Variants in CHEK2 observed in about 807,000 individuals in gnomAD.
CHEK2 encodes the protein serine/threonine-protein kinase Chk2.
CHEK2 carries 71 observed loss-of-function variants against 69.1 expected under a neutral mutation model. The observed-to-expected ratio is 1.03, with a 90% confidence interval of 0.85 to 1.25. CHEK2 has a LOEUF of 1.25. CHEK2 is among the 50% of genes most tolerant of loss of function. The pLI, the probability that CHEK2 is intolerant of heterozygous loss-of-function variation, is 0.00. For synonymous variants in CHEK2, 189 were observed against 226.9 expected, an observed-to-expected ratio of 0.83 and a Z score of 1.50; for missense variants, 664 against 649.6, an observed-to-expected ratio of 1.02 and a Z score of -0.24.
At chr22:28,700,720 T>C (rs933981896) in intron 8 of CHEK2, among the ~76,000 whole-genome samples, 1 of 152,166 alleles carries the variant, frequency 6.6e-6, no homozygotes, top group Non-Finnish European at 1.5e-5. Flanking sequence ...TTGATGGTTG[T>C]TATAAAAATT....
At chr22:28,701,076 A>G (rs2052825046) in intron 8 of CHEK2, among the ~76,000 whole-genome samples, 2 of 152,016 alleles carry the variant, frequency 1.3e-5, no homozygotes, top group Admixed American at 1.3e-4. Context: ...GGCGTGAGCC[A>G]CCGTGCCCGG....
At chr22:28,703,970 CAAGGGTTATTT>C (rs943732877) in intron 7 of CHEK2, among the ~76,000 whole-genome samples, 2 of 152,134 alleles carry the variant, frequency 1.3e-5, no homozygotes, top group African/African-American at 2.4e-5. Flanking sequence ...TGCTGCCAAA[CAAGGGTTATTT>C]AAGCTCTGGG....
chr22:28,714,097 C>T (rs1191476211), intron 5 of CHEK2, among the ~76,000 whole-genome samples: 1 of 152,072 alleles, frequency 6.6e-6, no homozygotes, highest in Non-Finnish European at 1.5e-5. Context: ...GTTTTTTATG[C>T]CCCATAGAGC....
intron 2 of CHEK2, chr22:28,730,557 A>G (rs2054183470): frequency 1.4e-6 from 1 of 690,050 alleles, no homozygotes; most frequent in African/African-American, 1.8e-5. Flanking sequence ...CTCTACAAAA[A>G]ATAAAAATAA....
chr22:28,706,043 C>T (rs1367313494), intron 7 of CHEK2, among the ~76,000 whole-genome samples: 1 of 152,012 alleles, frequency 6.6e-6, no homozygotes, highest in African/African-American at 2.4e-5. Context: ...CCTGTAATCC[C>T]AGCCCTTTGG....
chr22:28,738,827 T>C (rs897505124), intron 1 of CHEK2, among the ~76,000 whole-genome samples: 23 of 152,118 alleles, frequency 1.5e-4, no homozygotes, highest in African/African-American at 5.3e-4. Context: ...AAAAAGCTTC[T>C]GCACAGCCAA....
Position 28,696,866 on chromosome 22 carries a change from C to T in CHEK2, c.1095+35G>A, listed in dbSNP as rs781640725. 13 of 1,354,810 alleles carry T rather than the reference C, an allele frequency of 9.6e-6. No homozygotes were observed. Among genetic ancestry groups the T allele is most frequent in the African/African-American group, 1.4e-5 (1 of 69,822 alleles). 83.9% of individuals were successfully genotyped at this position (1,354,810 alleles called of 1,614,324 possible). A position where few individuals can be genotyped will look rare whatever the true frequency, so the allele number is the denominator to read the frequency against. On this transcript the variant is annotated intron_variant, in intron 10 of 14. Transcript: ENST00000404276. ...TTAAAAGTTTCTGAACAAGAATCTA[C>T]AGGAATAGCCACATACAGAATGCCA... is the stretch of plus-strand genomic sequence containing the variant.
At position 28,694,079 on chromosome 22, in the gene CHEK2, T is replaced by C. The variant is rs2052470344; in HGVS notation, c.1414A>G (p.Lys472Glu). 3 of 1,596,044 alleles carry C rather than the reference T, an allele frequency of 1.9e-6. No individual in the cohort carries two copies. The East Asian group carries it at 6.7e-5, about 36-fold the overall frequency. ...GCTTCTTCTGTCGTAAAACGTGCCT[T>C]TGGATCCACTACCAACAACTTCTTG... The part of the protein sequence containing the change: ...LVKKLLVVDP[K>E]ARFTTEEALR... The change falls in exon 13 of 15, where the codon AAG becomes GAG. Residue 472 changes from lysine (K) to glutamate (E), a missense_variant. Physicochemically the swap from Lys to Glu is moderately conservative, Grantham distance 56. Coordinates refer to ENST00000404276, the MANE Select transcript of CHEK2 (RefSeq NM_007194.4).
intron 8 of CHEK2, among the ~76,000 whole-genome samples, chr22:28,702,392 C>T (rs988877972): frequency 1.3e-5 from 2 of 151,476 alleles, no homozygotes; most frequent in Non-Finnish European, 2.9e-5. Context: ...GAGCCCACCA[C>T]CACACCCAGC....
chr22:28,734,143 A>G (rs1000127010), intron 2 of CHEK2, among the ~76,000 whole-genome samples: 18 of 152,102 alleles, frequency 1.2e-4, no homozygotes, highest in African/African-American at 4.3e-4. Context: ...AGGGTACTTG[A>G]ACCCCAGAAG....
chr22:28,709,304 C>A (rs17886169), intron 7 of CHEK2, among the ~76,000 whole-genome samples: 1 of 152,110 alleles, frequency 6.6e-6, no homozygotes, highest in Non-Finnish European at 1.5e-5. Flanking sequence ...ATTTGGATTA[C>A]TCCAAATAAA....
At chr22:28,697,299 G>GA (rs2052631235) in intron 9 of CHEK2, among the ~76,000 whole-genome samples, 2 of 152,082 alleles carry the variant, frequency 1.3e-5, no homozygotes. Context: ...ATGGGTAACA[G>GA]AAAATGTTTT....
intron 1 of CHEK2, among the ~76,000 whole-genome samples, chr22:28,735,764 T>C (rs2054384520): frequency 6.6e-6 from 1 of 150,484 alleles, no homozygotes; most frequent in South Asian, 2.1e-4. Context: ...CGCCTGTAGT[T>C]CCAGCTACTC....
rs565410649 is a variant in CHEK2, at chr22:28,703,200, T to C, written c.908+305A>G. On this transcript the variant is annotated intron_variant, in intron 8 of 14. Transcript: ENST00000404276. ...TCATTATAATCCCCATTTAACACTATGAAGATGAGACTCAGAAAAGTGAGT... is the reference window on the plus strand; with the variant it reads ...TCATTATAATCCCCATTTAACACTACGAAGATGAGACTCAGAAAAGTGAGT... Among the ~76,000 whole-genome samples the C allele has an allele frequency of 2.7e-3, 407 of 152,250 alleles. 5 individuals are homozygous for C. The highest frequency in any genetic ancestry group is 0.017 in the Middle Eastern group (5 of 294).
chr22:28,704,458 G>A lies in CHEK2; in HGVS notation c.847-892C>T, dbSNP rs144267240. 8.4e-3 allele frequency among the ~76,000 whole-genome samples: 1,279 copies of A among 151,954 alleles called. 19 individuals carry two copies. The highest frequency in any genetic ancestry group is 0.028 in the African/African-American group (1,147 of 41,384). On this transcript the variant is annotated intron_variant, in intron 7 of 14. Transcript: ENST00000404276. ...AGCTATTCTCCTGCCTCAGCCTCCT[G>A]AGTAGCTGGGACTACAGGCGTGCAC...
chr22:28,733,792 G>T (rs193261296), intron 2 of CHEK2, among the ~76,000 whole-genome samples: 2 of 152,048 alleles, frequency 1.3e-5, no homozygotes, highest in East Asian at 3.9e-4. Context: ...GGTGGTGTGT[G>T]TCTGTAATCC....
intron 5 of CHEK2, among the ~76,000 whole-genome samples, chr22:28,717,683 A>G (rs892925432): frequency 5.3e-5 from 8 of 151,990 alleles, no homozygotes. Flanking sequence ...AAGACCAGCC[A>G]GGCCAACATG....
intron 4 of CHEK2, among the ~76,000 whole-genome samples, chr22:28,723,384 G>A (rs1343423783): frequency 6.7e-6 from 1 of 149,898 alleles, no homozygotes. Flanking sequence ...GGATCACGAG[G>A]TCAGGAGATC....
At chr22:28,723,126 A>G (rs1372368151) in intron 4 of CHEK2, among the ~76,000 whole-genome samples, 2 of 152,322 alleles carry the variant, frequency 1.3e-5, no homozygotes, top group East Asian at 3.9e-4. Context: ...CCAGAAAAAC[A>G]GTTGTTCATT....
Sources: allele counts gnomAD v4.1 joint callset (sites outside exome capture counted in the v4.1 genomes callset), GRCh38; gene constraint gnomAD v4.1.1; transcripts MANE v1.5; gene names NCBI Gene and HGNC (gene_info 2026-07-23, HGNC 2026-07-21).